Variants in NOS3 observed in about 807,000 individuals in gnomAD.
NOS3 encodes the protein NOS type III.
Under a neutral mutation model 144.9 loss-of-function variants are expected in NOS3, and 98 were observed. That is an observed-to-expected ratio of 0.68 (90% confidence interval 0.57 to 0.80). The LOEUF is 0.80. Ranked by LOEUF, NOS3 falls within the 30% of genes least tolerant of loss-of-function variation. NOS3 has a pLI of 0.00. For missense variants in NOS3, 1,465 were observed against 1,656.4 expected, an observed-to-expected ratio of 0.88 and a Z score of 2.01; for synonymous variants, 714 against 702.4, an observed-to-expected ratio of 1.02 and a Z score of -0.26.
Position 150,998,999 on chromosome 7 carries a change from C to T in NOS3, c.870C>T (p.Pro290=). The T allele has an allele frequency of 1.2e-6, 2 of 1,612,630 alleles. No homozygotes were observed. The highest frequency in any genetic ancestry group is 1.7e-6 in the Non-Finnish European group (2 of 1,179,894). The change falls in exon 8 of 27, where the codon CCC becomes CCT. Residue 290 remains proline (P), a synonymous_variant. Transcript: ENST00000297494. This position sits in a 1 kb window ranked among gnomAD's most constrained non-coding sequence, Gnocchi z 5.0. ...GAAACGGTCGCTTCGACGTGCTGCCCCTGCTGCTGCAGGCCCCAGATGATC... is the reference window on the plus strand; with the variant it reads ...GAAACGGTCGCTTCGACGTGCTGCCTCTGCTGCTGCAGGCCCCAGATGATC... ...TPGNGRFDVL[P]LLLQAPDDPP... is the part of the protein sequence containing the mutation.
At chr7:151,010,435 G>A in intron 21 of NOS3, 148 bp downstream of exon 21, 1 of 1,046,442 alleles carries the variant, frequency 9.6e-7, no homozygotes, top group Non-Finnish European at 1.4e-6. Flanking sequence ...CAGCTCCTCA[G>A]GGAGGAATTC....
chr7:151,006,926 G>A lies in NOS3; in HGVS notation c.1858G>A (p.Asp620Asn). 1.2e-6 allele frequency: 2 copies of A among 1,614,106 alleles called. No individual in the cohort carries two copies. Among genetic ancestry groups the A allele is most frequent in the Non-Finnish European group, 8.5e-7 (1 of 1,180,026 alleles). Residue 620 changes from aspartate to asparagine, a missense_variant, in exon 16 of 27, where the codon GAC becomes AAC. By Grantham distance (23) the Asp-to-Asn change is conservative. Coordinates refer to ENST00000297494, the MANE Select transcript of NOS3 (RefSeq NM_000603.5). ...KIRFNSISCS[D>N]PLVSSWRRKR... is the part of the protein sequence containing the mutation. The stretch of plus-strand genomic sequence containing the variant: ...CCGCTTCAACAGCATCTCCTGCTCA[G>A]ACCCACTGGTGTCCTCTTGGCGGCG...
rs777840587 is a variant in NOS3, at chr7:151,014,143, C to T, written c.3586C>T (p.Pro1196Ser). The change falls in exon 27 of 27, where the codon CCC becomes TCC. Residue 1196 changes from proline (P) to serine (S), a missense_variant. Coordinates refer to ENST00000297494, the MANE Select transcript of NOS3 (RefSeq NM_000603.5). Reference protein sequence around the residue: ...RGAVPWAFDPPGSDTNSP With the variant: ...RGAVPWAFDPSGSDTNSP The stretch of plus-strand genomic sequence containing the variant: ...CGCAGTGCCCTGGGCGTTCGACCCT[C>T]CCGGCTCAGACACCAACAGCCCCTG... 1.2e-6 allele frequency: 2 copies of T among 1,610,042 alleles called. No individual in the cohort carries two copies. Among genetic ancestry groups the T allele is most frequent in the Non-Finnish European group, 1.7e-6 (2 of 1,177,504 alleles).
intron 21 of NOS3, 102 bp downstream of exon 21, chr7:151,010,389 C>A: frequency 8.2e-7 from 1 of 1,213,098 alleles, no homozygotes; most frequent in East Asian, 2.5e-5. Context: ...CCTGGACTTT[C>A]TTCTCCTGGC....
In NOS3 at chr7:150,996,748, C is replaced by G. The variant is rs375500349; in HGVS notation, c.420-15C>G. 14 of 1,611,012 alleles carry G rather than the reference C, an allele frequency of 8.7e-6. No homozygotes were observed. In the African/African-American group the frequency reaches 1.9e-4, roughly 22 times the overall value. On this transcript the variant is annotated splice_polypyrimidine_tract_variant and intron_variant, in intron 4 of 26. Coordinates refer to ENST00000297494, the MANE Select transcript of NOS3 (RefSeq NM_000603.5). ...AACTTCCTGCTTGTCCCCTTCCCAC[C>G]CCTCTCCTCCCCAGGAGCGGCTCCC...
rs1231719471 is a variant in NOS3, at chr7:151,002,135, C to A, written c.1648-65C>A. The A allele has an allele frequency of 3.8e-5, 54 of 1,413,096 alleles. No homozygotes were observed. The highest frequency in any genetic ancestry group is 5.3e-5 in the Non-Finnish European group (54 of 1,018,504). 87.5% of individuals were successfully genotyped at this position (1,413,096 alleles called of 1,614,324 possible). ...CTGAATCTTGCACTGCCAGGGAGGC[C>A]AGAGTGAGGAGGGCAGGGCCTCCGG... is the stretch of plus-strand genomic sequence containing the variant. On this transcript the variant is annotated intron_variant, in intron 13 of 26. Coordinates refer to ENST00000297494, the MANE Select transcript of NOS3 (RefSeq NM_000603.5). The surrounding 1 kb of genome is among the most constrained non-coding windows in gnomAD (Gnocchi z 4.1).
Position 151,002,151 on chromosome 7 carries a change from G to C in NOS3, c.1648-49G>C, listed in dbSNP as rs879636860. On this transcript the variant is annotated intron_variant, in intron 13 of 26. Transcript: ENST00000297494. The surrounding 1 kb of genome is among the most constrained non-coding windows in gnomAD (Gnocchi z 4.1). ...CAGGGAGGCCAGAGTGAGGAGGGCA[G>C]GGCCTCCGGGGGCCACAGCACCCAG... 18 of 1,420,996 alleles carry C rather than the reference G, an allele frequency of 1.3e-5. No homozygotes were observed. The highest frequency in any genetic ancestry group is 1.8e-5 in the Non-Finnish European group (18 of 1,023,710). 88.0% of individuals were successfully genotyped at this position (1,420,996 alleles called of 1,614,324 possible).
chr7:150,999,361 G>T lies in NOS3; in HGVS notation c.1128G>T (p.Leu376=). The change falls in exon 9 of 27, where the codon CTG becomes CTT. Residue 376 remains leucine, a synonymous_variant. Transcript: ENST00000297494. ...NLCDPHRYNI[L]EDVAVCMDLD... is the part of the protein sequence containing the mutation. Reference sequence around the variant, plus strand: ...GTGACCCTCACCGCTACAACATCCTGGAGGTGAGGTGCGGGATGGGGCTCG... The same window carrying T: ...GTGACCCTCACCGCTACAACATCCTTGAGGTGAGGTGCGGGATGGGGCTCG... 1 of 1,571,506 alleles carries T rather than the reference G, an allele frequency of 6.4e-7. No homozygotes were observed. The highest frequency in any genetic ancestry group is 8.6e-7 in the Non-Finnish European group (1 of 1,156,916).
chr7:151,012,756 C>T (rs893687707), intron 24 of NOS3: 47 of 373,260 alleles, frequency 1.3e-4, no homozygotes, highest in Middle Eastern at 7.6e-4. Context: ...GAAGAACTGC[C>T]CAAGGTGGAT....
At position 151,002,699 on chromosome 7, in the gene NOS3, A is replaced by G. The variant is rs1168210694; in HGVS notation, c.1752+395A>G. ...GGATACGTCACTGAGGGCGGCTTCT[A>G]GGATGCGGGTAATGTTTCTTAATGG... On this transcript the variant is annotated intron_variant, in intron 14 of 26. Transcript: ENST00000297494. The surrounding 1 kb of genome is among the most constrained non-coding windows in gnomAD (Gnocchi z 4.1). 3 of 215,582 alleles carry G rather than the reference A, an allele frequency of 1.4e-5. No individual in the cohort carries two copies. The highest frequency in any genetic ancestry group is 7.0e-5 in the African/African-American group (3 of 42,888). 13.4% of individuals were successfully genotyped at this position (215,582 alleles called of 1,614,324 possible).
In NOS3 at chr7:150,999,045, C is replaced by T. The variant is rs772821149; in HGVS notation, c.916C>T (p.Pro306Ser). ...PDDPPELFLL[P>S]PELVLEVPLE... ...TGATCCCCCAGAACTCTTCCTTCTG[C>T]CCCCCGAGCTGGTCCTTGAGGTGCC... The change falls in exon 8 of 27, where the codon CCC becomes TCC. Residue 306 changes from proline to serine, a missense_variant. Pro to Ser is a moderately conservative substitution (Grantham distance 74). Coordinates refer to ENST00000297494, the MANE Select transcript of NOS3 (RefSeq NM_000603.5). 11 of 1,612,172 alleles carry T rather than the reference C, an allele frequency of 6.8e-6. No individual in the cohort carries two copies. The highest frequency in any genetic ancestry group is 2.7e-5 in the African/African-American group (2 of 75,016).
Position 151,000,518 on chromosome 7 carries a change from C to G in NOS3, c.1152C>G (p.Asp384Glu). Residue 384 changes from aspartate (D) to glutamate (E), a missense_variant, in exon 10 of 27, where the codon GAC becomes GAG. This residue lies in a region of NOS3 where 745 missense variants were observed against 853.9 expected (regional missense o/e 0.87). Coordinates refer to ENST00000297494, the MANE Select transcript of NOS3 (RefSeq NM_000603.5). ...CCCAGGATGTGGCTGTCTGCATGGA[C>G]CTGGATACCCGGACCACCTCGTCCC... ...NILEDVAVCM[D>E]LDTRTTSSLW... 1 of 1,613,276 alleles carries G rather than the reference C, an allele frequency of 6.2e-7. No homozygotes were observed. The highest frequency in any genetic ancestry group is 8.5e-7 in the Non-Finnish European group (1 of 1,179,614).
At chr7:151,013,077 C>G in intron 24 of NOS3, 154 bp from the exon 25 acceptor site, 1 of 811,482 alleles carries the variant, frequency 1.2e-6, no homozygotes, top group South Asian at 1.7e-5. Flanking sequence ...TCTGTGAAAG[C>G]ATTCTACACT....
Position 151,002,371 on chromosome 7 carries a change from G to C in NOS3, c.1752+67G>C. ...ACTCAGAATTGGAGTGACTGGGCAG[G>C]AACCTCTGCCCAACACACACACACA... is the stretch of plus-strand genomic sequence containing the variant. On this transcript the variant is annotated intron_variant, in intron 14 of 26. Coordinates refer to ENST00000297494, the MANE Select transcript of NOS3 (RefSeq NM_000603.5). This position sits in a 1 kb window ranked among gnomAD's most constrained non-coding sequence, Gnocchi z 4.1. The C allele has an allele frequency of 1.7e-6, 1 of 603,002 alleles. No homozygotes were observed. The highest frequency in any genetic ancestry group is 3.0e-6 in the Non-Finnish European group (1 of 335,042). The allele number at this position is 603,002 out of a possible 1,614,324, so 37.4% of individuals were successfully genotyped here.
Position 151,003,720 on chromosome 7 carries a change from T to G in NOS3, c.1752+1416T>G. On this transcript the variant is annotated intron_variant, in intron 14 of 26. Coordinates refer to ENST00000297494, the MANE Select transcript of NOS3 (RefSeq NM_000603.5). The surrounding 1 kb of genome is among the most constrained non-coding windows in gnomAD (Gnocchi z 4.1). ...GTTTCGCCTGCTCTAGAACGGCACC[T>G]AGATGGAAGCACGCAGTGTTGCGGC... 6.0e-6 allele frequency: 3 copies of G among 501,066 alleles called. No homozygotes were observed. Among genetic ancestry groups the G allele is most frequent in the South Asian group, 4.6e-5 (3 of 65,100 alleles). The allele number at this position is 501,066 out of a possible 1,614,324, so 31.0% of individuals were successfully genotyped here. A position where few individuals can be genotyped will look rare whatever the true frequency, so the allele number is the denominator to read the frequency against.
In NOS3 at chr7:150,999,022, A is replaced by G. The variant is rs778744020; in HGVS notation, c.893A>G (p.Asp298Gly). ...VLPLLLQAPD[D>G]PPELFLLPPE... ...CCCCTGCTGCTGCAGGCCCCAGATG[A>G]TCCCCCAGAACTCTTCCTTCTGCCC... The change falls in exon 8 of 27, where the codon GAT becomes GGT. Residue 298 changes from aspartate (D) to glycine (G), a missense_variant. This residue lies in a region of NOS3 where 745 missense variants were observed against 853.9 expected (regional missense o/e 0.87). Transcript: ENST00000297494. 2 of 1,612,400 alleles carry G rather than the reference A, an allele frequency of 1.2e-6. No individual in the cohort carries two copies. The highest frequency in any genetic ancestry group is 1.7e-6 in the Non-Finnish European group (2 of 1,179,832).
In NOS3 at chr7:151,001,851, C is replaced by G; in HGVS notation, c.1533C>G (p.Gly511=). The change falls in exon 13 of 27, where the codon GGC becomes GGG. Residue 511 remains glycine, a synonymous_variant. Coordinates refer to ENST00000297494, the MANE Select transcript of NOS3 (RefSeq NM_000603.5). ...TGAAGATCTCCGCCTCGCTCATGGGCACGGTGATGGCGAAGCGAGTGAAGG... is the reference window on the plus strand; with the variant it reads ...TGAAGATCTCCGCCTCGCTCATGGGGACGGTGATGGCGAAGCGAGTGAAGG... ...NAVKISASLM[G]TVMAKRVKAT... 6.2e-7 allele frequency: 1 copy of G among 1,613,622 alleles called. No individual in the cohort carries two copies. Among genetic ancestry groups the G allele is most frequent in the Non-Finnish European group, 8.5e-7 (1 of 1,179,994 alleles).
At chr7:151,011,740 G>A in intron 23 of NOS3, 1 of 329,362 alleles carries the variant, frequency 3.0e-6, no homozygotes, top group Non-Finnish European at 6.2e-6. Flanking sequence ...TGGCCAGGCT[G>A]GTCTCGAGCT....
At chr7:150,992,809 G>A (rs1338470383) in intron 1 of NOS3, among the ~76,000 whole-genome samples, 2 of 152,180 alleles carry the variant, frequency 1.3e-5, no homozygotes, top group Non-Finnish European at 2.9e-5. Context: ...TTCGACCCCT[G>A]TGGACCAGAT....
Sources: allele counts gnomAD v4.1 joint callset (sites outside exome capture counted in the v4.1 genomes callset), GRCh38; gene constraint gnomAD v4.1.1; regional missense constraint gnomAD v4.1.1; non-coding constraint Gnocchi (gnomAD v3.1); transcripts MANE v1.5; gene names NCBI Gene and HGNC (gene_info 2026-07-23, HGNC 2026-07-21).